Variants in DGKD observed in about 807,000 individuals in gnomAD.
DGKD encodes DAG kinase delta.
A neutral mutation model predicts 154.4 loss-of-function variants in DGKD; 68 were observed. The observed-to-expected ratio is 0.44, with a 90% CI of 0.36 to 0.54. The LOEUF is 0.54. Ranked by LOEUF, DGKD falls within the 20% of genes least tolerant of loss-of-function variation. The pLI is 0.00. For synonymous variants in DGKD, 693 were observed against 638.0 expected, an observed-to-expected ratio of 1.09 and a Z score of -1.30; for missense variants, 1,343 against 1,593.6, an observed-to-expected ratio of 0.84 and a Z score of 2.68.
chr2:233,410,581 G>T (rs148303391), intron 3 of DGKD, among the ~76,000 whole-genome samples: 140 of 152,234 alleles, frequency 9.2e-4, no homozygotes, highest in African/African-American at 3.2e-3. Context: ...CTTATCTTTA[G>T]CACTCACTTT....
At chr2:233,400,270 G>A (rs1485281946) in intron 3 of DGKD, among the ~76,000 whole-genome samples, 2 of 152,254 alleles carry the variant, frequency 1.3e-5, no homozygotes, top group South Asian at 2.1e-4. Context: ...GTGGGCGTGG[G>A]TGCTCCCCAT....
chr2:233,394,558 C>G (rs982404796), intron 3 of DGKD, among the ~76,000 whole-genome samples: 1 of 152,062 alleles, frequency 6.6e-6, no homozygotes, highest in East Asian at 1.9e-4. Context: ...GTGTCATTAA[C>G]TGTTCTCTCA....
intron 3 of DGKD, among the ~76,000 whole-genome samples, chr2:233,394,763 G>A (rs563566360): frequency 2.1e-4 from 26 of 123,222 alleles, no homozygotes; most frequent in East Asian, 8.1e-4. Context: ...GCTGGAATGC[G>A]GTGGTACAGT....
intron 1 of DGKD, among the ~76,000 whole-genome samples, chr2:233,366,727 A>G (rs1367880689): frequency 6.6e-6 from 1 of 152,122 alleles, no homozygotes; most frequent in African/African-American, 2.4e-5. Context: ...AGCAGCAGTG[A>G]GGATGGTTCA....
intron 3 of DGKD, among the ~76,000 whole-genome samples, chr2:233,422,261 A>G (rs180951035): frequency 1.8e-3 from 281 of 152,350 alleles, no homozygotes; most frequent in African/African-American, 6.6e-3. Flanking sequence ...TTCATGGCTG[A>G]GCTCCTCAGG....
intron 1 of DGKD, among the ~76,000 whole-genome samples, chr2:233,364,059 C>T (rs1297779120): frequency 1.3e-5 from 2 of 152,178 alleles, no homozygotes; most frequent in Non-Finnish European, 2.9e-5. Flanking sequence ...CACTGCACTC[C>T]AGCCTGGGCA....
chr2:233,448,072 T>G lies in DGKD; in HGVS notation c.1420-15T>G. The G allele has an allele frequency of 6.2e-7, 1 of 1,613,604 alleles. No individual in the cohort carries two copies. Among genetic ancestry groups the G allele is most frequent in the East Asian group, 2.2e-5 (1 of 44,870 alleles). Reference sequence around the variant, plus strand: ...CACAGAGACCAACAGTCCTGGCCATTTGGGGTGATTGCAGGTACAGCAGAT... The same window carrying G: ...CACAGAGACCAACAGTCCTGGCCATGTGGGGTGATTGCAGGTACAGCAGAT... On this transcript the variant is annotated splice_polypyrimidine_tract_variant and intron_variant, in intron 12 of 29. Transcript: ENST00000264057.
rs7566906 is a variant in DGKD, at chr2:233,420,249, T to C, written c.349-14131T>C. 6.8e-3 allele frequency among the ~76,000 whole-genome samples: 1,037 copies of C among 152,326 alleles called. 18 individuals carry two copies. The highest frequency in any genetic ancestry group is 0.024 in the African/African-American group (994 of 41,566). ...ACTGGCATGGTTTCAGGCTGACCTG[T>C]TAACCTTCCGTATGGCTAAACTACA... On this transcript the variant is annotated intron_variant, in intron 3 of 29. Coordinates refer to ENST00000264057, the MANE Select transcript of DGKD (RefSeq NM_152879.3).
rs896749700 is a variant in DGKD, at chr2:233,450,925, C to T, written c.2042C>T (p.Ser681Leu). Residue 681 changes from serine (S) to leucine (L), a missense_variant, in exon 17 of 30, where the codon TCG becomes TTG. Ser to Leu is a moderately radical substitution (Grantham distance 145). This residue lies in a region of DGKD where 409 missense variants were observed against 446.0 expected (regional missense o/e 0.92). Transcript: ENST00000264057. The stretch of plus-strand genomic sequence containing the variant: ...GTTTTCTGCTGTGTTGTTACAGTGT[C>T]GAAATCTCCGTGTGAAAAGCTGATC... The part of the protein sequence containing the change: ...VPKGRSQRKV[S>L]KSPCEKLISK... 2 of 1,600,184 alleles carry T rather than the reference C, an allele frequency of 1.2e-6. No individual in the cohort carries two copies. Among genetic ancestry groups the T allele is most frequent in the Admixed American group, 3.3e-5 (2 of 59,808 alleles).
intron 26 of DGKD, 66 bp from the exon 27 acceptor site, chr2:233,464,098 C>T: frequency 1.2e-6 from 2 of 1,602,596 alleles, no homozygotes; most frequent in South Asian, 1.1e-5. Context: ...CCTCACCCCC[C>T]TGGGCCTCGC....
chr2:233,421,062 C>CT (rs1345831814), intron 3 of DGKD, among the ~76,000 whole-genome samples: 2 of 152,116 alleles, frequency 1.3e-5, no homozygotes, highest in African/African-American at 4.8e-5. Context: ...TCTATAGTGT[C>CT]TTTAAGTTTT....
At chr2:233,362,223 C>T (rs527852981) in intron 1 of DGKD, among the ~76,000 whole-genome samples, 1 of 152,100 alleles carries the variant, frequency 6.6e-6, no homozygotes, top group Non-Finnish European at 1.5e-5. Flanking sequence ...AAAATACCCA[C>T]AAGGAAGCCT....
At chr2:233,429,115 G>A (rs2062419018) in intron 3 of DGKD, 7 of 984,950 alleles carry the variant, frequency 7.1e-6, no homozygotes, top group Non-Finnish European at 7.2e-6. Context: ...TTCAGTGTGT[G>A]GGTCAGGTGG....
At chr2:233,423,656 T>C (rs796284749) in intron 3 of DGKD, among the ~76,000 whole-genome samples, 2 of 152,272 alleles carry the variant, frequency 1.3e-5, no homozygotes, top group African/African-American at 4.8e-5. Flanking sequence ...AGTGCCTAGC[T>C]GCGGCCTGGG....
chr2:233,373,725 T>G (rs1702434850), intron 1 of DGKD, among the ~76,000 whole-genome samples: 1 of 152,058 alleles, frequency 6.6e-6, no homozygotes, highest in Non-Finnish European at 1.5e-5. Flanking sequence ...AACTCCTGTG[T>G]TGAAATTAAA....
At chr2:233,389,171 G>A (rs1250165828) in intron 2 of DGKD, among the ~76,000 whole-genome samples, 1 of 152,240 alleles carries the variant, frequency 6.6e-6, no homozygotes, top group Middle Eastern at 3.2e-3. Flanking sequence ...AGCCAAAGTA[G>A]AAGGAGCTGA....
intron 16 of DGKD, among the ~76,000 whole-genome samples, chr2:233,450,669 T>G (rs376403132): frequency 6.6e-6 from 1 of 152,086 alleles, no homozygotes; most frequent in African/African-American, 2.4e-5. Context: ...CAGCCCGGAC[T>G]GACTGGGCTC....
At chr2:233,380,919 G>A (rs1702868224) in intron 1 of DGKD, among the ~76,000 whole-genome samples, 1 of 152,134 alleles carries the variant, frequency 6.6e-6, no homozygotes, top group Admixed American at 6.5e-5. Flanking sequence ...GGAGCTTTGG[G>A]ACATGGTCGT....
intron 24 of DGKD, 74 bp downstream of exon 24, chr2:233,460,419 T>C (rs2063591607): frequency 1.3e-6 from 2 of 1,556,200 alleles, no homozygotes; most frequent in Non-Finnish European, 1.7e-6. Context: ...CCAAGGCCCC[T>C]GGGGCGTGGA....
Sources: allele counts gnomAD v4.1 joint callset (sites outside exome capture counted in the v4.1 genomes callset), GRCh38; gene constraint gnomAD v4.1.1; regional missense constraint gnomAD v4.1.1; transcripts MANE v1.5; gene names NCBI Gene and HGNC (gene_info 2026-07-23, HGNC 2026-07-21).